Variants in LEMD1 observed in about 807,000 individuals in gnomAD.
LEMD1 encodes the protein LEM domain containing 1.
In LEMD1, 18 loss-of-function variants were observed where a neutral mutation model predicts 17.4. The observed-to-expected ratio is 1.04, with a 90% CI of 0.72 to 1.54. The LOEUF is 1.54. Ranked by LOEUF, LEMD1 falls within the 40% of genes most tolerant of loss-of-function variation. The pLI is 0.00. For missense variants in LEMD1, 195 were observed against 210.4 expected, an observed-to-expected ratio of 0.93 and a Z score of 0.45; for synonymous variants, 88 against 77.8, an observed-to-expected ratio of 1.13 and a Z score of -0.69.
intron 4 of LEMD1, among the ~76,000 whole-genome samples, chr1:205,412,772 A>G (rs1235161794): frequency 6.6e-6 from 1 of 152,226 alleles, no homozygotes; most frequent in Non-Finnish European, 1.5e-5. Context: ...TGCCATCGCA[A>G]ACTTCCTATT....
chr1:205,400,820 G>A (rs1664805586), intron 4 of LEMD1, among the ~76,000 whole-genome samples: 1 of 145,482 alleles, frequency 6.9e-6, no homozygotes, highest in African/African-American at 2.5e-5. Flanking sequence ...TTTAGCATTA[G>A]GTATATCTCC....
At chr1:205,431,775 G>A (rs1666128717) in intron 1 of LEMD1, among the ~76,000 whole-genome samples, 1 of 152,036 alleles carries the variant, frequency 6.6e-6, no homozygotes, top group Non-Finnish European at 1.5e-5. Context: ...GGAGTGCAGT[G>A]GTGCGATCTT....
chr1:205,389,166 A>G (rs1276850297), intron 4 of LEMD1, among the ~76,000 whole-genome samples: 3 of 146,428 alleles, frequency 2.0e-5, no homozygotes, highest in Admixed American at 7.1e-5. Flanking sequence ...CTCCTGCCTC[A>G]GCCTCCCGAG....
chr1:205,404,274 G>A (rs1371918389), intron 4 of LEMD1, among the ~76,000 whole-genome samples: 6 of 151,732 alleles, frequency 4.0e-5, no homozygotes, highest in Non-Finnish European at 7.4e-5. Flanking sequence ...TTTCTGTCTC[G>A]TTGATCTGTC....
chr1:205,437,346 CAGAG>C (rs1666226954), intron 1 of LEMD1: 1 of 152,584 alleles, frequency 6.6e-6, no homozygotes, highest in Non-Finnish European at 1.5e-5. Flanking sequence ...GTGTATGTGA[CAGAG>C]AGAAAGTGAG....
chr1:205,415,464 A>G (rs541995368), intron 4 of LEMD1, among the ~76,000 whole-genome samples: 22 of 95,336 alleles, frequency 2.3e-4, no homozygotes, highest in African/African-American at 5.4e-4. Context: ...TCAGAATAGA[A>G]ACAGAGATAC....
At chr1:205,436,051 C>T (rs887478069) in intron 1 of LEMD1, 5 of 152,282 alleles carry the variant, frequency 3.3e-5, no homozygotes, top group Admixed American at 3.3e-4. Context: ...GCAGTGTTGC[C>T]ATGGCAACAG....
intron 4 of LEMD1, among the ~76,000 whole-genome samples, chr1:205,407,911 A>C (rs1665196581): frequency 6.6e-6 from 1 of 152,010 alleles, no homozygotes; most frequent in Admixed American, 6.6e-5. Context: ...TGAGGAAAAA[A>C]ACCCACACAT....
intron 4 of LEMD1, among the ~76,000 whole-genome samples, chr1:205,406,167 T>C (rs1436874271): frequency 6.6e-6 from 1 of 152,214 alleles, no homozygotes; most frequent in Non-Finnish European, 1.5e-5. Flanking sequence ...AGGGACCCAC[T>C]TGAGGAGGCA....
At chr1:205,400,208 C>T (rs777403282) in intron 4 of LEMD1, among the ~76,000 whole-genome samples, 28 of 152,134 alleles carry the variant, frequency 1.8e-4, no homozygotes, top group Admixed American at 1.3e-4. Context: ...ACTACGGGCA[C>T]GTGCCACCAT....
At chr1:205,445,374 T>C (rs533895776) in intron 1 of LEMD1, among the ~76,000 whole-genome samples, 11 of 152,290 alleles carry the variant, frequency 7.2e-5, no homozygotes, top group East Asian at 5.8e-4. Context: ...CCAGCAAAAC[T>C]GGGCACAGAC....
rs772245225 is a variant in LEMD1, at chr1:205,419,233, C to T, written c.202G>A (p.Glu68Lys). ...GCAGTACAGCTTATGGCGGTACCTT[C>T]GCTGTCATCACTGTCCTGCGCTCCA... is the stretch of plus-strand genomic sequence containing the variant. ...LDGAQDSDDS[E>K]ELNIILQGNI... Residue 68 changes from glutamate to lysine, a missense_variant, in exon 3 of 6, where the codon GAA becomes AAA. Glu to Lys is a moderately conservative substitution (Grantham distance 56). Transcript: ENST00000367153. The T allele has an allele frequency of 1.3e-5, 21 of 1,613,950 alleles. No homozygotes were observed. Among genetic ancestry groups the T allele is most frequent in the South Asian group, 7.7e-5 (7 of 91,070 alleles).
intron 4 of LEMD1, 144 bp downstream of exon 4, chr1:205,416,088 T>G (rs747587591): frequency 1.7e-5 from 9 of 538,642 alleles, no homozygotes; most frequent in Middle Eastern, 9.6e-4. Context: ...AAATCTGCAT[T>G]AAAATGATCC....
chr1:205,393,856 C>CAAA lies in LEMD1; in HGVS notation c.271-9495_271-9493dup, dbSNP rs1159859243. Among the ~76,000 whole-genome samples the CAAA allele has an allele frequency of 5.0e-3, 319 of 63,714 alleles. 1 individual carries two copies. Among genetic ancestry groups the CAAA allele is most frequent in the African/African-American group, 0.017 (301 of 17,986 alleles). 41.8% of individuals were successfully genotyped at this position (63,714 alleles called of 152,430 possible). On this transcript the variant is annotated intron_variant, in intron 4 of 5. Coordinates refer to ENST00000367153, the MANE Select transcript of LEMD1 (RefSeq NM_001199050.2). ...GCAATTCCACTCCTAGGTACCTAGCCAAAAAAAAAAAAAAAATGGAAATCA... is the reference window on the plus strand; with the variant it reads ...GCAATTCCACTCCTAGGTACCTAGCCAAAAAAAAAAAAAAAAAAATGGAAATCA...
intron 4 of LEMD1, chr1:205,385,638 T>C (rs1385031916): frequency 6.6e-6 from 1 of 152,298 alleles, no homozygotes; most frequent in African/African-American, 2.4e-5. Context: ...AGCATGGTTA[T>C]TTTGTAAGTG....
At chr1:205,434,114 A>T (rs2102456064) in intron 1 of LEMD1, among the ~76,000 whole-genome samples, 1 of 152,196 alleles carries the variant, frequency 6.6e-6, no homozygotes, top group African/African-American at 2.4e-5. Context: ...CTCTTTTATA[A>T]GTCTGAAAAT....
Position 205,391,309 on chromosome 1 carries a change from C to T in LEMD1, c.271-6945G>A, listed in dbSNP as rs146861644. On this transcript the variant is annotated intron_variant, in intron 4 of 5. Transcript: ENST00000367153. ...CTGGAAGATATAGAGAGAAGGTCCA[C>T]AGGCCAGGGAGCTTGAGACTTAGGG... Among the ~76,000 whole-genome samples, 1,157 of 152,026 alleles carry T rather than the reference C, an allele frequency of 7.6e-3. 14 individuals are homozygous for T. Among genetic ancestry groups the T allele is most frequent in the African/African-American group, 0.026 (1,084 of 41,476 alleles).
In LEMD1 at chr1:205,416,291, T is replaced by C. The variant is rs1260501251; in HGVS notation, c.211A>G (p.Asn71Asp). The part of the protein sequence containing the change: ...AQDSDDSEEL[N>D]IILQGNIILS... ...ATGATATTTCCTTGCAAAATGATAT[T>C]AAGCTCTGGATCATGGGAAACAAAA... Residue 71 changes from asparagine to aspartate, a missense_variant, in exon 4 of 6, where the codon AAT (asparagine) becomes GAT (aspartate). Transcript: ENST00000367153. 6.5e-7 allele frequency: 1 copy of C among 1,547,362 alleles called. No homozygotes were observed. Among genetic ancestry groups the C allele is most frequent in the African/African-American group, 1.4e-5 (1 of 73,068 alleles).
intron 1 of LEMD1, among the ~76,000 whole-genome samples, chr1:205,433,410 T>A (rs1045995068): frequency 6.6e-6 from 1 of 152,076 alleles, no homozygotes; most frequent in East Asian, 1.9e-4. Context: ...TGAGCCGAGG[T>A]TGCGCCACTG....
Sources: allele counts gnomAD v4.1 joint callset (sites outside exome capture counted in the v4.1 genomes callset), GRCh38; gene constraint gnomAD v4.1.1; transcripts MANE v1.5; gene names NCBI Gene and HGNC (gene_info 2026-07-23, HGNC 2026-07-21).